The following NDUFA13 variants were observed in gnomAD, a reference collection of about 807,000 sequenced individuals.
NDUFA13 encodes NADH:ubiquinone oxidoreductase subunit A13, also known as NADH dehydrogenase [ubiquinone] 1 alpha subcomplex subunit 13.
Under a neutral mutation model 17.0 loss-of-function variants are expected in NDUFA13, and 16 were observed. The ratio of observed to expected loss-of-function variants is 0.94; its 90% CI spans 0.64 to 1.43. The LOEUF (loss-of-function observed/expected upper bound fraction) is 1.43, where lower values mean the gene tolerates loss of function less well. NDUFA13 is among the 40% of genes most tolerant of loss of function. The pLI is 0.00. For missense variants in NDUFA13, 228 were observed against 206.7 expected, an observed-to-expected ratio of 1.10 and a Z score of -0.63; for synonymous variants, 87 against 78.4, an observed-to-expected ratio of 1.11 and a Z score of -0.58.
intron 1 of NDUFA13, among the ~76,000 whole-genome samples, chr19:19,521,010 A>G (rs948467183): frequency 6.6e-6 from 1 of 152,172 alleles, no homozygotes; most frequent in Non-Finnish European, 1.5e-5. Flanking sequence ...AGGTGTTTGT[A>G]TGGATGTAGA....
chr19:19,520,486 C>T (rs971723236), intron 1 of NDUFA13, among the ~76,000 whole-genome samples: 1 of 152,034 alleles, frequency 6.6e-6, no homozygotes, highest in Admixed American at 6.6e-5. Context: ...AAAAGTTAGT[C>T]GGGTATGGTG....
At chr19:19,525,268 T>C (rs1390205886) in intron 1 of NDUFA13, among the ~76,000 whole-genome samples, 1 of 152,218 alleles carries the variant, frequency 6.6e-6, no homozygotes, top group Non-Finnish European at 1.5e-5. Flanking sequence ...TTTGAGCCAG[T>C]TTCTCATTTA....
At chr19:19,519,863 G>C (rs1323716541) in intron 1 of NDUFA13, among the ~76,000 whole-genome samples, 1 of 152,162 alleles carries the variant, frequency 6.6e-6, no homozygotes, top group Non-Finnish European at 1.5e-5. Context: ...TCCAAGGCCT[G>C]GTGGCCCCAA....
intron 1 of NDUFA13, among the ~76,000 whole-genome samples, chr19:19,523,998 A>G (rs1329230334): frequency 6.6e-6 from 1 of 152,216 alleles, no homozygotes; most frequent in Non-Finnish European, 1.5e-5. Context: ...GCAAACTCCT[A>G]GTCAAGTGAT....
rs1476199434 is a variant in NDUFA13, at chr19:19,525,077, A to C, written c.95-1105A>C. On this transcript the variant is annotated intron_variant, in intron 1 of 4. Coordinates refer to ENST00000507754, the MANE Select transcript of NDUFA13 (RefSeq NM_015965.7). ...AAAAGGAAAAAAAAATGAACAAGGC[A>C]GCTGATGAAACCTCCCATGTGCTAG... Among the ~76,000 whole-genome samples, 65 of 152,288 alleles carry C rather than the reference A, an allele frequency of 4.3e-4. 1 individual carries two copies. The highest frequency in any genetic ancestry group is 1.0e-4 in the Non-Finnish European group (7 of 68,010).
At chr19:19,524,623 T>C (rs528661529) in intron 1 of NDUFA13, among the ~76,000 whole-genome samples, 1 of 152,234 alleles carries the variant, frequency 6.6e-6, no homozygotes, top group South Asian at 2.1e-4. Flanking sequence ...CTGGCCAATA[T>C]GGTGAAACCC....
chr19:19,517,586 C>A (rs1334140136), intron 1 of NDUFA13, among the ~76,000 whole-genome samples: 1 of 152,220 alleles, frequency 6.6e-6, no homozygotes, highest in Non-Finnish European at 1.5e-5. Flanking sequence ...AATTTTAACA[C>A]ACACACAAAA....
At chr19:19,518,201 T>C (rs956402651) in intron 1 of NDUFA13, among the ~76,000 whole-genome samples, 2 of 152,018 alleles carry the variant, frequency 1.3e-5, no homozygotes, top group Non-Finnish European at 2.9e-5. Flanking sequence ...ATATAATGCA[T>C]TCTATTTCCT....
chr19:19,519,509 T>C (rs1431681790), intron 1 of NDUFA13, among the ~76,000 whole-genome samples: 2 of 152,144 alleles, frequency 1.3e-5, no homozygotes, highest in Non-Finnish European at 2.9e-5. Context: ...CCTTTCCCGG[T>C]GGAGGAGTGA....
intron 1 of NDUFA13, among the ~76,000 whole-genome samples, chr19:19,517,780 G>T (rs561269740): frequency 5.3e-5 from 8 of 151,922 alleles, no homozygotes; most frequent in Non-Finnish European, 1.5e-5. Flanking sequence ...TCCAGCCTCA[G>T]CCTCCCAAAG....
chr19:19,516,399 G>A, intron 1 of NDUFA13, 67 bp downstream of exon 1: 1 of 1,547,140 alleles, frequency 6.5e-7, no homozygotes, highest in Non-Finnish European at 8.9e-7. Flanking sequence ...GGGTTCCGGG[G>A]ACACAGGCGG....
At chr19:19,526,128 G>C in intron 1 of NDUFA13, 54 bp from the exon 2 acceptor site, 1 of 1,602,104 alleles carries the variant, frequency 6.2e-7, no homozygotes, top group Non-Finnish European at 8.5e-7. Context: ...CTGGAGCTGT[G>C]GAGGAGGGTG....
chr19:19,524,775 C>T (rs867515531), intron 1 of NDUFA13, among the ~76,000 whole-genome samples: 1 of 151,944 alleles, frequency 6.6e-6, no homozygotes, highest in African/African-American at 2.4e-5. Flanking sequence ...CACTGCACCC[C>T]AGCCAGGGCA....
intron 1 of NDUFA13, 113 bp downstream of exon 1, chr19:19,516,445 G>T: frequency 1.8e-6 from 2 of 1,140,886 alleles, no homozygotes; most frequent in Non-Finnish European, 2.6e-6. Flanking sequence ...CGGAGGCGGA[G>T]CCCGGGGATC....
In NDUFA13 at chr19:19,516,629, G is replaced by A. The variant is rs182167172; in HGVS notation, c.94+297G>A. Among the ~76,000 whole-genome samples, 562 of 152,354 alleles carry A rather than the reference G, an allele frequency of 3.7e-3. 6 individuals are homozygous for A. Among genetic ancestry groups the A allele is most frequent in the African/African-American group, 0.013 (547 of 41,580 alleles). On this transcript the variant is annotated intron_variant, in intron 1 of 4. Transcript: ENST00000507754. ...CCCTCAGCCACCCTTGGATTTCTAA[G>A]ATGGGGAAACTGAGGCCCAAAGAAG...
chr19:19,526,297 C>T, intron 2 of NDUFA13, 37 bp downstream of exon 2: 3 of 1,609,622 alleles, frequency 1.9e-6, no homozygotes, highest in Non-Finnish European at 1.7e-6. Flanking sequence ...AAAGTGCCCC[C>T]CCGGCGAGTT....
intron 1 of NDUFA13, among the ~76,000 whole-genome samples, chr19:19,520,385 C>T (rs1428721761): frequency 1.3e-5 from 2 of 152,096 alleles, no homozygotes; most frequent in East Asian, 3.8e-4. Context: ...TAATCTCAGC[C>T]CTTTGAGGAC....
intron 2 of NDUFA13, chr19:19,526,499 C>T (rs45631650): frequency 0.021 from 11,745 of 570,830 alleles, 433 homozygotes; most frequent in South Asian, 0.084. Context: ...GGGAGCATTG[C>T]TTGAGCCCAG....
intron 1 of NDUFA13, among the ~76,000 whole-genome samples, chr19:19,524,330 G>T (rs1305552755): frequency 6.6e-6 from 1 of 152,250 alleles, no homozygotes; most frequent in African/African-American, 2.4e-5. Flanking sequence ...TTCTATGCCA[G>T]TGCCACGCTG....
Sources: gnomAD v4.1 joint callset for allele counts (sites outside exome capture counted in the v4.1 genomes callset) on GRCh38, gnomAD v4.1.1 for gene constraint, MANE v1.5 for transcripts, NCBI Gene and HGNC (gene_info 2026-07-23, HGNC 2026-07-21) for gene names.